WIF1: variants seen among roughly 807,000 people sequenced by gnomAD.
WIF1 encodes Wnt inhibitory factor 1.
Under a neutral mutation model 53.5 loss-of-function variants are expected in WIF1, and 35 were observed. The ratio of observed to expected loss-of-function variants is 0.65; its 90% CI spans 0.50 to 0.87. The LOEUF is 0.87. Among genes scored for constraint, WIF1 ranks in the 40% least tolerant of loss-of-function variants. WIF1 has a pLI of 0.00. For synonymous variants in WIF1, 171 were observed against 170.4 expected (o/e 1.00, Z -0.03); for missense variants, 467 against 476.8 (o/e 0.98, Z 0.19).
At chr12:65,068,385 G>A (rs1882719899) in intron 4 of WIF1, among the ~76,000 whole-genome samples, 1 of 152,064 alleles carries the variant, frequency 6.6e-6, no homozygotes, top group African/African-American at 2.4e-5. Flanking sequence ...GGAAGTGCTG[G>A]TAATTATGAG....
At chr12:65,055,771 T>A (rs1475350467) in intron 8 of WIF1, among the ~76,000 whole-genome samples, 9 of 152,182 alleles carry the variant, frequency 5.9e-5, no homozygotes, top group African/African-American at 2.2e-4. Flanking sequence ...AGAGACTCCG[T>A]CTCAAAAAAC....
chr12:65,077,419 C>T (rs2136621323), intron 3 of WIF1, among the ~76,000 whole-genome samples: 1 of 152,186 alleles, frequency 6.6e-6, no homozygotes, highest in African/African-American at 2.4e-5. Flanking sequence ...TTTTGTGTAT[C>T]TCATTAATCC....
chr12:65,071,442 C>T (rs1483014508), intron 3 of WIF1, among the ~76,000 whole-genome samples: 2 of 151,776 alleles, frequency 1.3e-5, no homozygotes, highest in African/African-American at 4.8e-5. Flanking sequence ...GCAATTTTGG[C>T]AGATAACTAA....
At chr12:65,069,364 T>A (rs1255650924) in intron 3 of WIF1, among the ~76,000 whole-genome samples, 2 of 152,140 alleles carry the variant, frequency 1.3e-5, no homozygotes, top group East Asian at 3.8e-4. Flanking sequence ...GGGCTAGAAA[T>A]CAGCATTTCA....
intron 2 of WIF1, among the ~76,000 whole-genome samples, chr12:65,092,046 G>T (rs1239255699): frequency 6.6e-6 from 1 of 152,042 alleles, no homozygotes; most frequent in Non-Finnish European, 1.5e-5. Flanking sequence ...AGACTTCAGT[G>T]GAGAAAGATG....
At chr12:65,110,673 C>G (rs547636211) in intron 2 of WIF1, among the ~76,000 whole-genome samples, 1 of 64,698 alleles carries the variant, frequency 1.5e-5, no homozygotes, top group Non-Finnish European at 3.0e-5. Flanking sequence ...TGAGACCTAC[C>G]TCACTTATTC....
In WIF1 at chr12:65,121,185, G is replaced by T. The variant is rs1434266492; in HGVS notation, c.7C>A (p.Arg3=). 5.2e-6 allele frequency: 8 copies of T among 1,533,714 alleles called. No homozygotes were observed. The Admixed American group carries it at 1.4e-4, about 27-fold the overall frequency. Residue 3 remains arginine, a synonymous_variant, in exon 1 of 10, where the codon CGG becomes AGG. Coordinates refer to ENST00000286574, the MANE Select transcript of WIF1 (RefSeq NM_007191.5). ...GCGGCGGCAGGGAAGGCGCTCCTCC[G>T]GGCCATGCTGCTCAGGACCTCCTCG... MA[R]RSAFPAAALW...
At chr12:65,083,441 T>C (rs1238049777) in intron 2 of WIF1, among the ~76,000 whole-genome samples, 3 of 152,210 alleles carry the variant, frequency 2.0e-5, no homozygotes, top group African/African-American at 7.2e-5. Flanking sequence ...CTCATTATCT[T>C]TGGACTCTGT....
intron 2 of WIF1, among the ~76,000 whole-genome samples, chr12:65,116,128 G>C (rs1883505275): frequency 6.6e-6 from 1 of 152,130 alleles, no homozygotes; most frequent in Non-Finnish European, 1.5e-5. Context: ...TGGAAGATCA[G>C]ATGTTAATTT....
At chr12:65,106,763 G>A (rs1042369117) in intron 2 of WIF1, among the ~76,000 whole-genome samples, 3 of 152,230 alleles carry the variant, frequency 2.0e-5, no homozygotes, top group Non-Finnish European at 4.4e-5. Context: ...CACTGAGTTG[G>A]ATGAGCTCTG....
intron 2 of WIF1, among the ~76,000 whole-genome samples, chr12:65,119,446 T>C (rs1883562872): frequency 2.0e-5 from 3 of 152,216 alleles, no homozygotes; most frequent in African/African-American, 7.2e-5. Flanking sequence ...AGGTCATGTC[T>C]ATACCACAAC....
intron 2 of WIF1, 125 bp from the exon 3 acceptor site, chr12:65,077,979 A>G (rs1882890392): frequency 1.4e-6 from 1 of 704,558 alleles, no homozygotes; most frequent in Admixed American, 2.3e-5. Context: ...AGCACACAGC[A>G]TCCAAGATAC....
chr12:65,071,828 A>C (rs1882778217), intron 3 of WIF1, among the ~76,000 whole-genome samples: 1 of 152,202 alleles, frequency 6.6e-6, no homozygotes, highest in Non-Finnish European at 1.5e-5. Context: ...GGAGGTACCT[A>C]GCTTATAATT....
intron 1 of WIF1, 101 bp downstream of exon 1, chr12:65,120,943 A>C: frequency 7.6e-7 from 1 of 1,319,796 alleles, no homozygotes; most frequent in Non-Finnish European, 9.8e-7. Context: ...CTTTTGTGGA[A>C]ATTAAGTTTT....
chr12:65,077,790 G>T lies in WIF1; in HGVS notation c.353C>A (p.Thr118Asn). The change falls in exon 3 of 10, where the codon ACC becomes AAC. Residue 118 changes from threonine to asparagine, a missense_variant. Thr to Asn is a moderately conservative substitution (Grantham distance 65). Coordinates refer to ENST00000286574, the MANE Select transcript of WIF1 (RefSeq NM_007191.5). ...TGTTCCCAGCAGAGGGACATTGACG[G>T]TTGGATCTGCCATGATGCCTTTATC... ...SLDKGIMADP[T>N]VNVPLLGTVP... 6.2e-7 allele frequency: 1 copy of T among 1,613,910 alleles called. No homozygotes were observed. Among genetic ancestry groups the T allele is most frequent in the Non-Finnish European group, 8.5e-7 (1 of 1,179,870 alleles).
intron 2 of WIF1, among the ~76,000 whole-genome samples, chr12:65,091,467 T>C (rs1883122334): frequency 6.6e-6 from 1 of 151,432 alleles, no homozygotes; most frequent in Non-Finnish European, 1.5e-5. Context: ...TGAGAATCTC[T>C]GATAATAATA....
intron 9 of WIF1, 104 bp downstream of exon 9, chr12:65,055,014 A>C: frequency 1.7e-6 from 2 of 1,193,242 alleles, no homozygotes; most frequent in South Asian, 3.0e-5. Context: ...TTAGCCTTTG[A>C]AGCCAAGAAA....
chr12:65,063,608 A>G (rs1404498147), intron 6 of WIF1, among the ~76,000 whole-genome samples: 1 of 152,078 alleles, frequency 6.6e-6, no homozygotes, highest in Non-Finnish European at 1.5e-5. Flanking sequence ...TTCTACGAGT[A>G]TCATGCTTCT....
At chr12:65,109,509 T>C (rs923586704) in intron 2 of WIF1, among the ~76,000 whole-genome samples, 1 of 152,172 alleles carries the variant, frequency 6.6e-6, no homozygotes, top group African/African-American at 2.4e-5. Context: ...ACCACAGTTA[T>C]TATGATTGCT....
Sources: allele counts gnomAD v4.1 joint callset (sites outside exome capture counted in the v4.1 genomes callset), GRCh38; gene constraint gnomAD v4.1.1; transcripts MANE v1.5; gene names NCBI Gene and HGNC (gene_info 2026-07-23, HGNC 2026-07-21).